The following SPECC1 variants were observed in gnomAD, a reference collection of about 807,000 sequenced individuals.
The protein encoded by SPECC1 is cytospin-B.
SPECC1 carries 62 observed loss-of-function variants against 104.1 expected under a neutral mutation model. The ratio of observed to expected loss-of-function variants is 0.60; its 90% confidence interval spans 0.49 to 0.74. SPECC1 has a LOEUF of 0.74. Among genes scored for constraint, SPECC1 ranks in the 30% least tolerant of loss-of-function variants. The pLI, the probability that SPECC1 is intolerant of heterozygous loss-of-function variation, is 0.00. For missense variants in SPECC1, 1,306 were observed against 1,310.5 expected, an observed-to-expected ratio of 1.00 and a Z score of 0.05; for synonymous variants, 513 against 501.6, an observed-to-expected ratio of 1.02 and a Z score of -0.30.
chr17:20,167,605 G>A (rs1177220241), intron 3 of SPECC1, among the ~76,000 whole-genome samples: 1 of 152,178 alleles, frequency 6.6e-6, no homozygotes, highest in Non-Finnish European at 1.5e-5. Flanking sequence ...TTGAACCCAG[G>A]AGGTGGAGGT....
At chr17:20,081,040 C>T (rs1430716285) in intron 1 of SPECC1, among the ~76,000 whole-genome samples, 2 of 152,190 alleles carry the variant, frequency 1.3e-5, no homozygotes, top group African/African-American at 4.8e-5. Context: ...GTTTCTCTCC[C>T]TCTTGTCATC....
chr17:20,270,457 A>C (rs1241264581), intron 12 of SPECC1, among the ~76,000 whole-genome samples: 1 of 148,016 alleles, frequency 6.8e-6, no homozygotes, highest in Non-Finnish European at 1.5e-5. Context: ...AAAAAAAAAA[A>C]AAAAAAAAAA....
At chr17:20,220,739 G>C (rs1056886758) in intron 4 of SPECC1, among the ~76,000 whole-genome samples, 1 of 152,062 alleles carries the variant, frequency 6.6e-6, no homozygotes, top group African/African-American at 2.4e-5. Flanking sequence ...GTGACAGTGG[G>C]CATCCTTATC....
intron 1 of SPECC1, among the ~76,000 whole-genome samples, chr17:20,060,769 A>C (rs543287540): frequency 1.6e-4 from 24 of 152,246 alleles, no homozygotes; most frequent in Non-Finnish European, 2.9e-4. Flanking sequence ...ATACTTCATC[A>C]AATCATTTTG....
chr17:20,282,250 G>C (rs1344499534), intron 12 of SPECC1, among the ~76,000 whole-genome samples: 1 of 152,224 alleles, frequency 6.6e-6, no homozygotes, highest in Non-Finnish European at 1.5e-5. Context: ...TCTGTCTCCA[G>C]GGAGGGACTG....
intron 3 of SPECC1, among the ~76,000 whole-genome samples, chr17:20,150,083 C>G (rs2031847041): frequency 6.6e-6 from 1 of 151,980 alleles, no homozygotes; most frequent in Non-Finnish European, 1.5e-5. Context: ...CACCATTATC[C>G]TGCCTCAGCC....
intron 1 of SPECC1, chr17:20,017,427 A>G: frequency 6.5e-6 from 1 of 153,684 alleles, no homozygotes; most frequent in Non-Finnish European, 1.4e-5. Flanking sequence ...AGAAGGAAGA[A>G]ACTCCGAACA....
intron 1 of SPECC1, among the ~76,000 whole-genome samples, chr17:20,078,539 G>A (rs944238913): frequency 6.6e-6 from 1 of 152,162 alleles, no homozygotes; most frequent in African/African-American, 2.4e-5. Flanking sequence ...TTCCAGCATA[G>A]AGAGAATCAT....
At chr17:20,216,803 G>A (rs953173401) in intron 4 of SPECC1, among the ~76,000 whole-genome samples, 6 of 152,122 alleles carry the variant, frequency 3.9e-5, no homozygotes, top group African/African-American at 9.7e-5. Context: ...CAAGGGAAAC[G>A]TTGAAAATCA....
chr17:20,052,522 AT>A (rs978077895), intron 1 of SPECC1, among the ~76,000 whole-genome samples: 1 of 152,186 alleles, frequency 6.6e-6, no homozygotes, highest in African/African-American at 2.4e-5. Flanking sequence ...TGGTTCAAAG[AT>A]ACCTTAACGC....
chr17:20,222,024 T>TG (rs1206438352), intron 4 of SPECC1, among the ~76,000 whole-genome samples: 1 of 151,796 alleles, frequency 6.6e-6, no homozygotes, highest in Non-Finnish European at 1.5e-5. Flanking sequence ...CAGTTTTTTT[T>TG]TTTTTTTTTA....
intron 1 of SPECC1, among the ~76,000 whole-genome samples, chr17:20,072,981 C>T (rs1019761698): frequency 2.0e-5 from 3 of 152,062 alleles, no homozygotes; most frequent in Non-Finnish European, 2.9e-5. Context: ...CTAGGCCATC[C>T]GTAGTAGCAG....
intron 3 of SPECC1, among the ~76,000 whole-genome samples, chr17:20,168,308 ATAT>A (rs1288033415): frequency 2.6e-5 from 4 of 152,212 alleles, no homozygotes; most frequent in Admixed American, 1.3e-4. Context: ...GAATGCAAAA[ATAT>A]TATTATATAA....
intron 1 of SPECC1, among the ~76,000 whole-genome samples, chr17:20,076,249 G>C (rs1005361350): frequency 6.6e-6 from 1 of 152,156 alleles, no homozygotes; most frequent in African/African-American, 2.4e-5. Context: ...GCCTAGGCTG[G>C]AGTGCAGTAG....
chr17:20,234,767 A>G (rs2038807611), intron 7 of SPECC1, among the ~76,000 whole-genome samples: 1 of 152,220 alleles, frequency 6.6e-6, no homozygotes, highest in African/African-American at 2.4e-5. Flanking sequence ...GTGGGCACTC[A>G]CAGGGTTGGT....
chr17:20,220,067 G>T (rs2037765977), intron 4 of SPECC1, among the ~76,000 whole-genome samples: 1 of 151,936 alleles, frequency 6.6e-6, no homozygotes. Flanking sequence ...CATGCTGTTT[G>T]GGTTACTATG....
intron 2 of SPECC1, among the ~76,000 whole-genome samples, chr17:20,103,388 T>A (rs2048032978): frequency 6.6e-6 from 1 of 152,186 alleles, no homozygotes; most frequent in Non-Finnish European, 1.5e-5. Flanking sequence ...ACCTCCTCTT[T>A]AGGTGGTTAA....
intron 3 of SPECC1, among the ~76,000 whole-genome samples, chr17:20,144,890 GTTT>G (rs1166460350): frequency 2.0e-5 from 3 of 151,876 alleles, no homozygotes; most frequent in Non-Finnish European, 4.4e-5. Flanking sequence ...AAGTACAGAG[GTTT>G]TTTTTGTGTG....
chr17:20,186,199 T>C (rs1022533130), intron 3 of SPECC1, among the ~76,000 whole-genome samples: 2 of 152,216 alleles, frequency 1.3e-5, no homozygotes, highest in African/African-American at 2.4e-5. Flanking sequence ...GGTGATGTTG[T>C]GAATTCAGTT....
Sources: allele counts gnomAD v4.1 joint callset (sites outside exome capture counted in the v4.1 genomes callset), GRCh38; gene constraint gnomAD v4.1.1; transcripts MANE v1.5; gene names NCBI Gene and HGNC (gene_info 2026-07-23, HGNC 2026-07-21).